The following GRM3 variants were observed in gnomAD, a reference collection of about 807,000 sequenced individuals.
GRM3 encodes the protein metabotropic glutamate receptor 3.
GRM3 carries 26 observed loss-of-function variants against 70.5 expected under a neutral mutation model. That is an observed-to-expected ratio of 0.37 (90% CI 0.27 to 0.51). The LOEUF is 0.51. Among genes scored for constraint, GRM3 ranks in the 20% least tolerant of loss-of-function variants. The pLI is 0.93. For synonymous variants in GRM3, 443 were observed against 434.9 expected (o/e 1.02, Z -0.23); for missense variants, 859 against 1,123.8 (o/e 0.76, Z 3.37).
At chr7:86,817,015 C>G (rs888985242) in intron 3 of GRM3, among the ~76,000 whole-genome samples, 1 of 151,442 alleles carries the variant, frequency 6.6e-6, no homozygotes, top group African/African-American at 2.4e-5. Flanking sequence ...AATTCTCAGC[C>G]AAGGAAACTG....
chr7:86,779,866 G>A (rs1163150366), intron 2 of GRM3, among the ~76,000 whole-genome samples: 2 of 152,184 alleles, frequency 1.3e-5, no homozygotes, highest in African/African-American at 4.8e-5. Context: ...AATGGTGGCA[G>A]ATATTTAATA....
intron 1 of GRM3, among the ~76,000 whole-genome samples, chr7:86,657,028 G>A (rs1416520440): frequency 6.6e-6 from 1 of 152,110 alleles, no homozygotes; most frequent in Non-Finnish European, 1.5e-5. Flanking sequence ...CCATTAATAT[G>A]TTGTACTTTA....
At chr7:86,826,559 A>T (rs1303602215) in intron 3 of GRM3, among the ~76,000 whole-genome samples, 1 of 152,172 alleles carries the variant, frequency 6.6e-6, no homozygotes, top group Admixed American at 6.5e-5. Context: ...ATATTCAAGG[A>T]AGTGTATAAG....
At chr7:86,706,207 G>A (rs1795053255) in intron 1 of GRM3, among the ~76,000 whole-genome samples, 1 of 152,012 alleles carries the variant, frequency 6.6e-6, no homozygotes, top group Admixed American at 6.6e-5. Flanking sequence ...TAGCCCTGAA[G>A]GTCAAGGCAC....
chr7:86,825,947 A>G (rs975710585), intron 3 of GRM3, among the ~76,000 whole-genome samples: 1 of 152,150 alleles, frequency 6.6e-6, no homozygotes, highest in Non-Finnish European at 1.5e-5. Flanking sequence ...CAGCACTTAG[A>G]TCTTCAGCAC....
rs1390169638 is a variant in GRM3, at chr7:86,839,825, A to G, written c.2311A>G (p.Ile771Val). Reference protein sequence around the residue: ...CPENFNEAKFIGFTMYTTCII... With the variant: ...CPENFNEAKFVGFTMYTTCII... ...AGAAAATTTCAACGAAGCTAAGTTC[A>G]TAGGTTTTACCATGTACACCACGTG... The change falls in exon 4 of 6, where the codon ATA (isoleucine) becomes GTA (valine). Residue 771 changes from isoleucine (I) to valine (V), a missense_variant. Physicochemically the swap from Ile to Val is conservative, Grantham distance 29 (BLOSUM62 3). Coordinates refer to ENST00000361669, the MANE Select transcript of GRM3 (RefSeq NM_000840.3). This position sits in a 1 kb window ranked among gnomAD's most constrained non-coding sequence, Gnocchi z 4.5. 3 of 1,614,110 alleles carry G rather than the reference A, an allele frequency of 1.9e-6. No homozygotes were observed. Among genetic ancestry groups the G allele is most frequent in the Non-Finnish European group, 2.5e-6 (3 of 1,179,958 alleles).
intron 3 of GRM3, among the ~76,000 whole-genome samples, chr7:86,837,447 C>A (rs1431980539): frequency 6.6e-6 from 1 of 152,218 alleles, no homozygotes; most frequent in Non-Finnish European, 1.5e-5. Context: ...GGGTCAGACA[C>A]TGCAGCGTCC....
At chr7:86,847,810 TA>T (rs1798683400) in intron 4 of GRM3, among the ~76,000 whole-genome samples, 2 of 152,194 alleles carry the variant, frequency 1.3e-5, no homozygotes, top group African/African-American at 4.8e-5. Context: ...AGACTTTTAA[TA>T]GTGTGACTTA....
At position 86,644,899 on chromosome 7, in the gene GRM3, C is replaced by T. The variant is rs1006619855; in HGVS notation, c.-141+27C>T. Reference sequence around the variant, plus strand: ...TAAGGGTCCCAGAGGAGGACGTGTCCCTCTGGAGGGCGCCCAGCCAGGGCG... The same window carrying T: ...TAAGGGTCCCAGAGGAGGACGTGTCTCTCTGGAGGGCGCCCAGCCAGGGCG... On this transcript the variant is annotated intron_variant, in intron 1 of 5. Coordinates refer to ENST00000361669, the MANE Select transcript of GRM3 (RefSeq NM_000840.3). The T allele has an allele frequency of 4.1e-6, 5 of 1,228,528 alleles. No homozygotes were observed. The African/African-American group carries it at 6.2e-5, about 15-fold the overall frequency. The allele number at this position is 1,228,528 out of a possible 1,614,324, so 76.1% of individuals were successfully genotyped here. A position where few individuals can be genotyped will look rare whatever the true frequency, so the allele number is the denominator to read the frequency against.
Position 86,703,941 on chromosome 7 carries a change from T to G in GRM3, c.-141+59069T>G, listed in dbSNP as rs183226126. 2.5e-3 allele frequency among the ~76,000 whole-genome samples: 380 copies of G among 151,968 alleles called. 3 individuals carry two copies. The highest frequency in any genetic ancestry group is 8.7e-3 in the African/African-American group (361 of 41,504). On this transcript the variant is annotated intron_variant, in intron 1 of 5. Coordinates refer to ENST00000361669, the MANE Select transcript of GRM3 (RefSeq NM_000840.3). ...ACTTCTATGAAATGCTGCCTCCCAT[T>G]CCCCAAAAAAGCCCATTAAAGTTTC...
At chr7:86,647,790 A>C (rs555018657) in intron 1 of GRM3, among the ~76,000 whole-genome samples, 1 of 152,208 alleles carries the variant, frequency 6.6e-6, no homozygotes, top group East Asian at 1.9e-4. Flanking sequence ...ATTAGCTCAT[A>C]CCCCTCCTTC....
At chr7:86,797,423 G>A (rs1278657246) in intron 3 of GRM3, among the ~76,000 whole-genome samples, 1 of 152,210 alleles carries the variant, frequency 6.6e-6, no homozygotes, top group Non-Finnish European at 1.5e-5. Flanking sequence ...GCAGCATTTT[G>A]TCCCTGCCCA....
Position 86,743,836 on chromosome 7 carries a change from C to A in GRM3, c.-140-21170C>A, listed in dbSNP as rs1004510885. ...TATCATGTATACACTAATGCATTAA[C>A]TTCAAGTCTGACTCAAACCACTTCC... On this transcript the variant is annotated intron_variant, in intron 1 of 5. Coordinates refer to ENST00000361669, the MANE Select transcript of GRM3 (RefSeq NM_000840.3). Among the ~76,000 whole-genome samples the A allele has an allele frequency of 3.3e-5, 5 of 152,222 alleles. No individual in the cohort carries two copies. The South Asian group carries it at 8.3e-4, about 25-fold the overall frequency.
intron 3 of GRM3, among the ~76,000 whole-genome samples, chr7:86,822,562 G>A (rs1034693197): frequency 6.6e-6 from 1 of 152,106 alleles, no homozygotes; most frequent in Non-Finnish European, 1.5e-5. Flanking sequence ...TTGCATGTGA[G>A]CAAAGAGGAA....
At chr7:86,711,666 C>T (rs1036972413) in intron 1 of GRM3, among the ~76,000 whole-genome samples, 1 of 152,086 alleles carries the variant, frequency 6.6e-6, no homozygotes, top group Non-Finnish European at 1.5e-5. Context: ...TAACAATTCA[C>T]CATCATCACA....
chr7:86,695,259 A>AT (rs1250360485), intron 1 of GRM3, among the ~76,000 whole-genome samples: 1 of 152,208 alleles, frequency 6.6e-6, no homozygotes, highest in Non-Finnish European at 1.5e-5. Flanking sequence ...TAGATTTAAG[A>AT]TTTTAGAAAG....
At chr7:86,847,112 G>T (rs1798669592) in intron 4 of GRM3, among the ~76,000 whole-genome samples, 1 of 152,182 alleles carries the variant, frequency 6.6e-6, no homozygotes, top group South Asian at 2.1e-4. Context: ...TAGGGAACCT[G>T]AATCTTTTAT....
chr7:86,755,164 G>T (rs1796315077), intron 1 of GRM3, among the ~76,000 whole-genome samples: 1 of 151,824 alleles, frequency 6.6e-6, no homozygotes, highest in Admixed American at 6.6e-5. Context: ...CATATGCATT[G>T]GTTCCCGAAG....
Position 86,709,361 on chromosome 7 carries a change from C to T in GRM3, c.-140-55645C>T, listed in dbSNP as rs778123573. Among the ~76,000 whole-genome samples, 3 of 152,212 alleles carry T rather than the reference C, an allele frequency of 2.0e-5. No homozygotes were observed. The East Asian group carries it at 5.8e-4, about 29-fold the overall frequency. The stretch of plus-strand genomic sequence containing the variant: ...ATCCTACTCCACTGCTTCATAGTTC[C>T]CCCTCAGCCAGCTAATCACTCATCT... On this transcript the variant is annotated intron_variant, in intron 1 of 5. Transcript: ENST00000361669.
Sources: gnomAD v4.1 joint callset for allele counts (sites outside exome capture counted in the v4.1 genomes callset) on GRCh38, gnomAD v4.1.1 for gene constraint, Gnocchi (gnomAD v3.1) non-coding constraint, MANE v1.5 for transcripts, NCBI Gene and HGNC (gene_info 2026-07-23, HGNC 2026-07-21) for gene names.